The following ULK4 variants were observed in gnomAD, a reference collection of about 807,000 sequenced individuals.
ULK4 encodes the protein unc-51 like kinase 4, also known as inactive serine/threonine-protein kinase ULK4.
ULK4 carries 133 observed loss-of-function variants against 160.6 expected under a neutral mutation model. That is an observed-to-expected ratio of 0.83 (90% confidence interval 0.72 to 0.96). The LOEUF (loss-of-function observed/expected upper bound fraction) is 0.96, where lower values mean the gene tolerates loss of function less well. Ranked by LOEUF, ULK4 falls within the 40% of genes least tolerant of loss-of-function variation. The probability of loss-of-function intolerance (pLI) is 0.00; values close to 1 mark genes in which losing one functional copy is unlikely to be tolerated. For missense variants in ULK4, 1,580 were observed against 1,499.5 expected, an observed-to-expected ratio of 1.05 and a Z score of -0.89; for synonymous variants, 534 against 539.8, an observed-to-expected ratio of 0.99 and a Z score of 0.15.
At chr3:41,583,891 A>T (rs2030578320) in intron 31 of ULK4, among the ~76,000 whole-genome samples, 1 of 152,246 alleles carries the variant, frequency 6.6e-6, no homozygotes, top group South Asian at 2.1e-4. Context: ...GCAGAGGAAG[A>T]CAGAAATGGC....
intron 30 of ULK4, among the ~76,000 whole-genome samples, chr3:41,652,881 T>G (rs2034796677): frequency 6.6e-6 from 1 of 152,210 alleles, no homozygotes; most frequent in South Asian, 2.1e-4. Context: ...CCAGGAGATG[T>G]GAACCCAAAA....
chr3:41,592,306 G>A (rs958199557), intron 31 of ULK4, among the ~76,000 whole-genome samples: 4 of 152,122 alleles, frequency 2.6e-5, no homozygotes, highest in Admixed American at 6.5e-5. Flanking sequence ...AGGAAGCAGC[G>A]GGAAAAGCCC....
intron 29 of ULK4, among the ~76,000 whole-genome samples, chr3:41,676,981 C>A (rs903662073): frequency 1.4e-5 from 2 of 146,852 alleles, no homozygotes; most frequent in African/African-American, 5.2e-5. Flanking sequence ...ATCACGGTCA[C>A]CATATCCTCG....
chr3:41,463,542 C>A lies in ULK4; in HGVS notation c.3227-289G>T, dbSNP rs539122876. ...CACCATCCTACATGGGCAGGCTTCACAGGGTCTGAGGACTCCCTGGCACTG... is the reference window on the plus strand; with the variant it reads ...CACCATCCTACATGGGCAGGCTTCAAAGGGTCTGAGGACTCCCTGGCACTG... On this transcript the variant is annotated intron_variant, in intron 32 of 36. Transcript: ENST00000301831. 5.9e-5 allele frequency among the ~76,000 whole-genome samples: 9 copies of A among 152,262 alleles called. No homozygotes were observed. In the South Asian group the frequency reaches 1.9e-3, roughly 32 times the overall value.
chr3:41,275,915 G>A (rs1189619795), intron 35 of ULK4, among the ~76,000 whole-genome samples: 4 of 152,214 alleles, frequency 2.6e-5, no homozygotes, highest in African/African-American at 9.7e-5. Flanking sequence ...CTTTGTCTAT[G>A]GATGTATTAA....
intron 34 of ULK4, among the ~76,000 whole-genome samples, chr3:41,427,140 T>G (rs1376555726): frequency 6.6e-6 from 1 of 152,128 alleles, no homozygotes; most frequent in Admixed American, 6.5e-5. Flanking sequence ...AACATCTCTA[T>G]TCAAATAAAC....
chr3:41,333,303 A>G (rs572232950), intron 35 of ULK4, among the ~76,000 whole-genome samples: 207 of 152,334 alleles, frequency 1.4e-3, no homozygotes, highest in African/African-American at 4.7e-3. Flanking sequence ...TGTACTCACA[A>G]AGAGGATCTG....
chr3:41,525,688 T>C (rs573714080), intron 32 of ULK4, among the ~76,000 whole-genome samples: 68 of 152,392 alleles, frequency 4.5e-4, no homozygotes, highest in Admixed American at 2.4e-3. Flanking sequence ...CACTGGAATA[T>C]GTCATTTTGT....
At chr3:41,373,059 T>G (rs1432535228) in intron 35 of ULK4, among the ~76,000 whole-genome samples, 1 of 152,056 alleles carries the variant, frequency 6.6e-6, no homozygotes, top group Non-Finnish European at 1.5e-5. Context: ...TATGTAATAG[T>G]AAAGGGATCA....
intron 22 of ULK4, among the ~76,000 whole-genome samples, chr3:41,741,798 G>A (rs572336012): frequency 6.6e-6 from 1 of 151,838 alleles, no homozygotes; most frequent in African/African-American, 2.4e-5. Flanking sequence ...GATGGAGTAG[G>A]ATCAAAACAA....
chr3:41,588,864 T>C (rs2031035884), intron 31 of ULK4, among the ~76,000 whole-genome samples: 1 of 152,200 alleles, frequency 6.6e-6, no homozygotes, highest in Non-Finnish European at 1.5e-5. Context: ...CTGAGGTCAA[T>C]ATTTTTTAAG....
At chr3:41,576,339 T>C (rs2088187017) in intron 31 of ULK4, among the ~76,000 whole-genome samples, 1 of 152,224 alleles carries the variant, frequency 6.6e-6, no homozygotes, top group Non-Finnish European at 1.5e-5. Context: ...CCTGCATCAC[T>C]GTGGCCACCA....
At chr3:41,831,531 A>ATATATATATATATATATTTTTTTTTT in intron 18 of ULK4, among the ~76,000 whole-genome samples, 5 of 138,064 alleles carry the variant, frequency 3.6e-5, no homozygotes, top group African/African-American at 8.5e-5. Context: ...ATATATATAT[A>ATATATATATATATATATTTTTTTTTT]TTTTTTTTTC....
intron 35 of ULK4, among the ~76,000 whole-genome samples, chr3:41,354,187 G>A (rs1365299868): frequency 2.0e-5 from 3 of 152,180 alleles, no homozygotes; most frequent in South Asian, 4.1e-4. Context: ...TGTGAGCCAC[G>A]TAAGAGGGTG....
chr3:41,849,718 T>C (rs180920808), intron 17 of ULK4, among the ~76,000 whole-genome samples: 59 of 152,328 alleles, frequency 3.9e-4, no homozygotes, highest in African/African-American at 1.4e-3. Context: ...AGGATGTTAA[T>C]AGGGAAGGCT....
intron 35 of ULK4, among the ~76,000 whole-genome samples, chr3:41,342,601 A>G (rs2080709842): frequency 3.3e-5 from 5 of 152,232 alleles, no homozygotes. Context: ...CGTATAAGGA[A>G]GAGGTGGTAC....
At chr3:41,418,326 T>C (rs1382994834) in intron 34 of ULK4, among the ~76,000 whole-genome samples, 4 of 139,636 alleles carry the variant, frequency 2.9e-5, no homozygotes, top group African/African-American at 1.0e-4. Flanking sequence ...ATGACATACT[T>C]TTTTTCTTAA....
chr3:41,399,433 T>G (rs2082130799), intron 34 of ULK4, among the ~76,000 whole-genome samples: 1 of 152,220 alleles, frequency 6.6e-6, no homozygotes, highest in African/African-American at 2.4e-5. Flanking sequence ...AAAAGGTTTT[T>G]CCTTTCTGCA....
chr3:41,763,453 CAAGAA>C (rs1440965009), intron 21 of ULK4, among the ~76,000 whole-genome samples: 7 of 151,912 alleles, frequency 4.6e-5, no homozygotes, highest in Admixed American at 1.3e-4. Context: ...CAAAGATAAA[CAAGAA>C]AAGAAATGAA....
Sources: allele counts gnomAD v4.1 joint callset (sites outside exome capture counted in the v4.1 genomes callset), GRCh38; gene constraint gnomAD v4.1.1; transcripts MANE v1.5; gene names NCBI Gene and HGNC (gene_info 2026-07-23, HGNC 2026-07-21).